DCDC1: variants seen among roughly 807,000 people sequenced by gnomAD.
DCDC1 encodes the protein doublecortin domain-containing protein 1.
A neutral mutation model predicts 178.3 loss-of-function variants in DCDC1; 200 were observed. The observed-to-expected ratio is 1.12, with a 90% CI of 1.00 to 1.26. The LOEUF (loss-of-function observed/expected upper bound fraction) is 1.26. DCDC1 is among the 50% of genes most tolerant of loss of function. The pLI, the probability that DCDC1 is intolerant of heterozygous loss-of-function variation, is 0.00. For missense variants in DCDC1, 1,983 were observed against 1,749.2 expected (o/e 1.13, Z -2.38); for synonymous variants, 690 against 604.8 (o/e 1.14, Z -2.07).
intron 38 of DCDC1, among the ~76,000 whole-genome samples, chr11:30,870,733 T>C (rs546435922): frequency 6.6e-6 from 1 of 152,300 alleles, no homozygotes; most frequent in African/African-American, 2.4e-5. Flanking sequence ...GATATTGTAA[T>C]CAAAGTCACA....
At chr11:31,160,648 T>C (rs1194549211) in intron 9 of DCDC1, among the ~76,000 whole-genome samples, 1 of 152,202 alleles carries the variant, frequency 6.6e-6, no homozygotes, top group African/African-American at 2.4e-5. Context: ...GCATCTAGGA[T>C]GTTAGTACCT....
In DCDC1 at chr11:30,894,148, G is replaced by T; in HGVS notation, c.4902+100C>A. Reference sequence around the variant, plus strand: ...ATATGGTCATAACTGATCAGATGCTGAGAATATATTAACAGTATCATTTTA... The same window carrying T: ...ATATGGTCATAACTGATCAGATGCTTAGAATATATTAACAGTATCATTTTA... On this transcript the variant is annotated intron_variant, in intron 35 of 38. Coordinates refer to ENST00000684477, the MANE Select transcript of DCDC1 (RefSeq NM_001387274.1). 2.8e-6 allele frequency: 4 copies of T among 1,452,736 alleles called. No individual in the cohort carries two copies. In the South Asian group the frequency reaches 5.8e-5, roughly 21 times the overall value. The allele number at this position is 1,452,736 out of a possible 1,614,324, so 90.0% of individuals were successfully genotyped here.
intron 25 of DCDC1, 61 bp downstream of exon 25, chr11:30,920,715 G>T: frequency 6.3e-7 from 1 of 1,585,082 alleles, no homozygotes; most frequent in East Asian, 2.2e-5. Flanking sequence ...GCTGTTATCG[G>T]GCTAATGAGC....
intron 34 of DCDC1, 36 bp from the exon 35 acceptor site, chr11:30,894,420 T>C: frequency 1.2e-6 from 2 of 1,603,606 alleles, no homozygotes; most frequent in African/African-American, 1.3e-5. Context: ...TTGTTTCTGA[T>C]GATAGGCTTT....
intron 20 of DCDC1, among the ~76,000 whole-genome samples, chr11:31,014,892 C>A (rs896533432): frequency 7.9e-5 from 12 of 151,868 alleles, no homozygotes; most frequent in African/African-American, 1.2e-4. Context: ...TAGTGCTCTA[C>A]TGTGATTTAA....
chr11:31,064,302 A>G (rs140820605), intron 20 of DCDC1, among the ~76,000 whole-genome samples, 167 bp downstream of exon 20: 3 of 152,312 alleles, frequency 2.0e-5, no homozygotes, highest in East Asian at 3.9e-4. Context: ...CAAAATACAC[A>G]TAAATGTCAC....
intron 1 of DCDC1, among the ~76,000 whole-genome samples, chr11:31,338,493 T>C (rs1466059793): frequency 6.6e-6 from 1 of 152,168 alleles, no homozygotes; most frequent in Non-Finnish European, 1.5e-5. Context: ...ACCAAAGATA[T>C]TTTGGTGGCT....
chr11:31,136,521 T>C (rs983426410), intron 10 of DCDC1, among the ~76,000 whole-genome samples: 31 of 152,064 alleles, frequency 2.0e-4, no homozygotes, highest in African/African-American at 6.0e-4. Flanking sequence ...ACAAAACACA[T>C]GGTTAGTAAG....
In DCDC1 at chr11:30,920,892, C is replaced by T. The variant is rs995674475; in HGVS notation, c.3177G>A (p.Lys1059=). Residue 1059 remains lysine, a synonymous_variant, in exon 25 of 39, where the codon AAG becomes AAA. Coordinates refer to ENST00000684477, the MANE Select transcript of DCDC1 (RefSeq NM_001387274.1). ...TTGCTACAGGTTTATGCACAGCAAGCTTGCTTCCAGATACAATGTCACTTT... is the reference window on the plus strand; with the variant it reads ...TTGCTACAGGTTTATGCACAGCAAGTTTGCTTCCAGATACAATGTCACTTT... ...EVQSDIVSGS[K]LAVHKPVAIF... is the part of the protein sequence containing the mutation. The T allele has an allele frequency of 3.1e-6, 5 of 1,612,956 alleles. No homozygotes were observed. In the African/African-American group the frequency reaches 6.7e-5, roughly 22 times the overall value.
chr11:30,941,371 A>G (rs1034236334), intron 21 of DCDC1, among the ~76,000 whole-genome samples: 1 of 152,156 alleles, frequency 6.6e-6, no homozygotes, highest in African/African-American at 2.4e-5. Context: ...AAGGCCCTGC[A>G]TGATCAGTAC....
chr11:31,306,228 T>C lies in DCDC1; in HGVS notation c.591+4A>G. 6.6e-7 allele frequency: 1 copy of C among 1,512,718 alleles called. No homozygotes were observed. Among genetic ancestry groups the C allele is most frequent in the Non-Finnish European group, 8.8e-7 (1 of 1,130,224 alleles). The allele number at this position is 1,512,718 out of a possible 1,614,324, so 93.7% of individuals were successfully genotyped here. On this transcript the variant is annotated splice_donor_region_variant and intron_variant, in intron 5 of 38. Transcript: ENST00000684477. ...AGCACAGAAAACTTTGGAACACTAGTTACCAAGGTGATGGTTGGTACAGTA... is the reference window on the plus strand; with the variant it reads ...AGCACAGAAAACTTTGGAACACTAGCTACCAAGGTGATGGTTGGTACAGTA...
intron 9 of DCDC1, among the ~76,000 whole-genome samples, chr11:31,156,338 T>C (rs893859254): frequency 6.6e-6 from 1 of 152,120 alleles, no homozygotes; most frequent in Non-Finnish European, 1.5e-5. Flanking sequence ...GTGAAAACCA[T>C]TCTAACTTTC....
chr11:31,076,331 T>C (rs776794233), intron 18 of DCDC1, among the ~76,000 whole-genome samples: 1 of 152,090 alleles, frequency 6.6e-6, no homozygotes, highest in Non-Finnish European at 1.5e-5. Flanking sequence ...AGTTGTTCTG[T>C]TTACTTAATT....
chr11:31,219,152 G>C (rs1274130845), intron 9 of DCDC1, among the ~76,000 whole-genome samples: 1 of 151,286 alleles, frequency 6.6e-6, no homozygotes, highest in East Asian at 1.9e-4. Flanking sequence ...AAACAATTTA[G>C]AGCACAAAAC....
chr11:31,305,942 A>G, intron 5 of DCDC1, 165 bp from the exon 6 acceptor site: 1 of 829,988 alleles, frequency 1.2e-6, no homozygotes, highest in Non-Finnish European at 1.8e-6. Context: ...GGTAAGTCAC[A>G]GCATGAAGCA....
At chr11:31,327,798 G>A (rs1182058051) in intron 3 of DCDC1, among the ~76,000 whole-genome samples, 1 of 152,030 alleles carries the variant, frequency 6.6e-6, no homozygotes, top group Non-Finnish European at 1.5e-5. Context: ...CATGATCTCA[G>A]CTCACTGCAA....
chr11:31,265,278 A>C (rs1056766585), intron 8 of DCDC1, among the ~76,000 whole-genome samples: 6 of 152,154 alleles, frequency 3.9e-5, no homozygotes, highest in Non-Finnish European at 8.8e-5. Flanking sequence ...TGGTTTACTA[A>C]GGTTAAAATA....
intron 1 of DCDC1, among the ~76,000 whole-genome samples, chr11:31,360,440 T>G (rs1591860208): frequency 6.6e-6 from 1 of 152,196 alleles, no homozygotes; most frequent in East Asian, 1.9e-4. Flanking sequence ...CAGTATAGTA[T>G]CAAACCCTAT....
At chr11:31,306,461 AT>A in intron 4 of DCDC1, 73 bp from the exon 5 acceptor site, 1 of 1,442,288 alleles carries the variant, frequency 6.9e-7, no homozygotes, top group Non-Finnish European at 9.1e-7. Context: ...ATTATCCTGG[AT>A]TTTTTTAAAC....
Sources: gnomAD v4.1 joint callset for allele counts (sites outside exome capture counted in the v4.1 genomes callset) on GRCh38, gnomAD v4.1.1 for gene constraint, MANE v1.5 for transcripts, NCBI Gene and HGNC (gene_info 2026-07-23, HGNC 2026-07-21) for gene names.